Variants in SPAG16 observed in about 807,000 individuals in gnomAD.
SPAG16 encodes sperm associated antigen 16, also known as sperm-associated antigen 16 protein.
SPAG16 carries 86 observed loss-of-function variants against 80.4 expected under a neutral mutation model. That is an observed-to-expected ratio of 1.07 (90% confidence interval 0.90 to 1.28). The LOEUF (loss-of-function observed/expected upper bound fraction) is 1.28. Among genes scored for constraint, SPAG16 ranks in the 50% most tolerant of loss-of-function variants. SPAG16 has a pLI of 0.00. For missense variants in SPAG16, 870 were observed against 765.3 expected (o/e 1.14, Z -1.61); for synonymous variants, 294 against 265.9 (o/e 1.11, Z -1.03).
At chr2:213,610,855 GA>G (rs1429763263) in intron 10 of SPAG16, among the ~76,000 whole-genome samples, 1 of 152,172 alleles carries the variant, frequency 6.6e-6, no homozygotes, top group Non-Finnish European at 1.5e-5. Flanking sequence ...TATTTTGCAA[GA>G]ATCAATATTA....
intron 11 of SPAG16, among the ~76,000 whole-genome samples, chr2:213,894,641 G>A (rs1003558746): frequency 6.6e-6 from 1 of 152,010 alleles, no homozygotes; most frequent in Admixed American, 6.6e-5. Context: ...ATCCAAATTG[G>A]AATGGAATAA....
rs187629714 is a variant in SPAG16 at position 213,994,912 on chromosome 2, G to A, written c.1401-19039G>A. Among the ~76,000 whole-genome samples the A allele has an allele frequency of 9.2e-5, 14 of 152,160 alleles. No individual in the cohort carries two copies. The East Asian group carries it at 2.3e-3, about 25-fold the overall frequency. On this transcript the variant is annotated intron_variant, in intron 12 of 15. Coordinates refer to ENST00000331683, the MANE Select transcript of SPAG16 (RefSeq NM_024532.5). The stretch of plus-strand genomic sequence containing the variant: ...TTTCCACCAGCTCACTATCTTATTT[G>A]CATCTTTTCTTATGTGTTCTAAGAT...
At chr2:213,642,344 C>T (rs1338595915) in intron 10 of SPAG16, among the ~76,000 whole-genome samples, 2 of 152,174 alleles carry the variant, frequency 1.3e-5, no homozygotes, top group Non-Finnish European at 2.9e-5. Context: ...ACAAGTTAGT[C>T]TTGTCTCCTA....
At chr2:213,336,680 G>C (rs1228062260) in intron 5 of SPAG16, among the ~76,000 whole-genome samples, 2 of 152,178 alleles carry the variant, frequency 1.3e-5, no homozygotes, top group Non-Finnish European at 2.9e-5. Context: ...ACTGGGTGAG[G>C]CCTCTCTGTG....
At chr2:214,143,812 A>T (rs920727751) in intron 14 of SPAG16, among the ~76,000 whole-genome samples, 2 of 152,104 alleles carry the variant, frequency 1.3e-5, no homozygotes, top group Non-Finnish European at 2.9e-5. Flanking sequence ...ATGCAAACAC[A>T]TTTAGTACCT....
intron 14 of SPAG16, among the ~76,000 whole-genome samples, chr2:214,139,233 C>T (rs112521854): frequency 2.0e-5 from 3 of 152,026 alleles, no homozygotes; most frequent in Non-Finnish European, 4.4e-5. Context: ...TCTGGAAATG[C>T]CATTTTGCTG....
intron 9 of SPAG16, among the ~76,000 whole-genome samples, chr2:213,398,527 C>T (rs375576556): frequency 6.6e-6 from 1 of 152,158 alleles, no homozygotes; most frequent in Non-Finnish European, 1.5e-5. Flanking sequence ...CCTTGAGGCT[C>T]TTGCACTTGA....
At chr2:214,282,145 G>A (rs986050327) in intron 15 of SPAG16, among the ~76,000 whole-genome samples, 4 of 152,060 alleles carry the variant, frequency 2.6e-5, no homozygotes, top group Non-Finnish European at 4.4e-5. Context: ...CTTTATATGT[G>A]TACATTTTAT....
At chr2:213,949,379 A>T (rs1287917662) in intron 12 of SPAG16, among the ~76,000 whole-genome samples, 1 of 151,898 alleles carries the variant, frequency 6.6e-6, no homozygotes, top group African/African-American at 2.4e-5. Context: ...ATTGTTGGCC[A>T]GATGGTCTTG....
At chr2:213,840,167 A>T (rs2074297616) in intron 10 of SPAG16, among the ~76,000 whole-genome samples, 1 of 152,204 alleles carries the variant, frequency 6.6e-6, no homozygotes, top group South Asian at 2.1e-4. Flanking sequence ...TGTTGATAGG[A>T]AATAAAGAGA....
chr2:213,401,560 C>G (rs529933079), intron 9 of SPAG16, among the ~76,000 whole-genome samples: 8 of 152,288 alleles, frequency 5.3e-5, no homozygotes, highest in Non-Finnish European at 1.2e-4. Context: ...AAAAGCTACT[C>G]CTTGCATTTC....
intron 15 of SPAG16, among the ~76,000 whole-genome samples, chr2:214,151,139 T>C (rs1487118764): frequency 1.3e-5 from 2 of 152,098 alleles, no homozygotes; most frequent in African/African-American, 4.8e-5. Context: ...GTTCCATGTG[T>C]GTGAGAAATT....
At chr2:214,236,615 G>C (rs1221145900) in intron 15 of SPAG16, among the ~76,000 whole-genome samples, 1 of 151,372 alleles carries the variant, frequency 6.6e-6, no homozygotes, top group Non-Finnish European at 1.5e-5. Flanking sequence ...TCGCACCATT[G>C]CACTCCATCC....
At chr2:214,170,179 T>TACACTTAGGTGTGTATACGTATACACAC (rs2056818707) in intron 15 of SPAG16, among the ~76,000 whole-genome samples, 11 of 123,204 alleles carry the variant, frequency 8.9e-5, no homozygotes, top group African/African-American at 4.3e-4. Flanking sequence ...GGGATACACA[T>TACACTTAGGTGTGTATACGTATACACAC]ACACTTAGGT....
In SPAG16 at chr2:213,823,814, G is replaced by A. The variant is rs1224777829; in HGVS notation, c.1071-38671G>A. 2.0e-5 allele frequency among the ~76,000 whole-genome samples: 3 copies of A among 152,096 alleles called. No homozygotes were observed. In the East Asian group the frequency reaches 5.8e-4, roughly 29 times the overall value. On this transcript the variant is annotated intron_variant, in intron 10 of 15. Coordinates refer to ENST00000331683, the MANE Select transcript of SPAG16 (RefSeq NM_024532.5). ...GTTCCTTGTAAATTACGGATGTTAG[G>A]CCTTTGTCAGATAGGTAGATTGCAA...
At chr2:214,005,129 T>C (rs1440825394) in intron 12 of SPAG16, among the ~76,000 whole-genome samples, 2 of 152,172 alleles carry the variant, frequency 1.3e-5, no homozygotes, top group South Asian at 4.1e-4. Context: ...CTTTTTGTTT[T>C]ATATTTTCGG....
chr2:213,672,859 G>GT (rs750046794), intron 10 of SPAG16, among the ~76,000 whole-genome samples: 5,021 of 124,340 alleles, frequency 0.04, 202 homozygotes, highest in African/African-American at 0.094. Flanking sequence ...TATTTTGTTT[G>GT]TTTTTTTTTT....
rs72937090 is a variant in SPAG16, at chr2:213,352,515, T to C, written c.762+1870T>C. On this transcript the variant is annotated intron_variant, in intron 7 of 15. Coordinates refer to ENST00000331683, the MANE Select transcript of SPAG16 (RefSeq NM_024532.5). ...TCTCATGCTTATCTCCCATATACCA[T>C]GTACAATATTTGTGTTTCAAGTTGC... is the stretch of plus-strand genomic sequence containing the variant. Among the ~76,000 whole-genome samples the C allele has an allele frequency of 2.4e-3, 359 of 152,292 alleles. 2 individuals are homozygous for C. Among genetic ancestry groups the C allele is most frequent in the South Asian group, 3.9e-3 (19 of 4,826 alleles).
chr2:213,309,785 G>A (rs1039300524), intron 3 of SPAG16, among the ~76,000 whole-genome samples: 2 of 151,848 alleles, frequency 1.3e-5, no homozygotes, highest in Non-Finnish European at 2.9e-5. Context: ...CCACCCCAAG[G>A]TACTTAGTAC....
Sources: allele counts gnomAD v4.1 joint callset (sites outside exome capture counted in the v4.1 genomes callset), GRCh38; gene constraint gnomAD v4.1.1; transcripts MANE v1.5; gene names NCBI Gene and HGNC (gene_info 2026-07-23, HGNC 2026-07-21).